Variants in SASH1 observed in about 807,000 individuals in gnomAD.
The protein encoded by SASH1 is SAM and SH3 domain-containing protein 1.
SASH1 carries 44 observed loss-of-function variants against 125.2 expected under a neutral mutation model. The ratio of observed to expected loss-of-function variants is 0.35; its 90% CI spans 0.28 to 0.45. The LOEUF (loss-of-function observed/expected upper bound fraction) is 0.45, where lower values mean the gene tolerates loss of function less well. SASH1 is among the 20% of genes least tolerant of loss of function. The pLI is 1.00. For synonymous variants in SASH1, 639 were observed against 649.1 expected (o/e 0.98, Z 0.24); for missense variants, 1,426 against 1,614.5 (o/e 0.88, Z 2.00).
At chr6:148,406,882 G>A (rs1784399377) in intron 2 of SASH1, among the ~76,000 whole-genome samples, 1 of 151,802 alleles carries the variant, frequency 6.6e-6, no homozygotes, top group Middle Eastern at 3.4e-3. Flanking sequence ...GAGGAGCAGA[G>A]AGAATCAGGC....
At chr6:148,448,204 CTT>C (rs1309382554) in intron 4 of SASH1, among the ~76,000 whole-genome samples, 2 of 151,940 alleles carry the variant, frequency 1.3e-5, no homozygotes, top group Admixed American at 1.3e-4. Flanking sequence ...AGCCCTAGAT[CTT>C]TTGCTTCTCT....
chr6:148,362,228 CTT>C (rs369570386), intron 1 of SASH1, among the ~76,000 whole-genome samples: 13 of 124,614 alleles, frequency 1.0e-4, no homozygotes, highest in Admixed American at 2.5e-4. Context: ...TGCCTGGCCT[CTT>C]TTTTTTTTTT....
chr6:148,252,335 G>A, the SASH1 span, among the ~76,000 whole-genome samples: 127 of 152,090 alleles, frequency 8.4e-4, no homozygotes, highest in African/African-American at 1.1e-3. Context: ...TTCTGATTAC[G>A]GTGAATTTTC....
chr6:148,463,753 G>A (rs62432308), intron 4 of SASH1, among the ~76,000 whole-genome samples: 13,470 of 152,224 alleles, frequency 0.088, 703 homozygotes, highest in Middle Eastern at 0.14. Flanking sequence ...CGCACACTTA[G>A]CATGTCCAAA....
Position 148,529,367 on chromosome 6 carries a change from T to G in SASH1, c.1428+1771T>G, listed in dbSNP as rs1781377946. ...TTGTTAGACCTGCAGGAGATAGATG[T>G]CTGGACTGCCTTCAGCATGTCTTAT... On this transcript the variant is annotated intron_variant, in intron 12 of 19. Coordinates refer to ENST00000367467, the MANE Select transcript of SASH1 (RefSeq NM_015278.5). The surrounding 1 kb of genome is among the most constrained non-coding windows in gnomAD (Gnocchi z 4.2). 6.6e-6 allele frequency among the ~76,000 whole-genome samples: 1 copy of G among 152,238 alleles called. No individual in the cohort carries two copies. Among genetic ancestry groups the G allele is most frequent in the Non-Finnish European group, 1.5e-5 (1 of 68,036 alleles).
rs140467043 is a variant in SASH1 at position 148,291,613 on chromosome 6, G to A, written n.74+19236G>A. Reference sequence around the variant, plus strand: ...GTGGGTGGATCGCTTGAGCCTAGGAGGTCAATGCTGCATTGAGTTGTGATC... The same window carrying A: ...GTGGGTGGATCGCTTGAGCCTAGGAAGTCAATGCTGCATTGAGTTGTGATC... On this transcript the variant is annotated intron_variant and non_coding_transcript_variant, in intron 1 of 3. Transcript: ENST00000367469. 7.1e-4 allele frequency among the ~76,000 whole-genome samples: 108 copies of A among 152,204 alleles called. 1 individual carries two copies. Among genetic ancestry groups the A allele is most frequent in the African/African-American group, 2.5e-3 (103 of 41,526 alleles).
chr6:148,382,720 T>A (rs1168345332), intron 1 of SASH1, among the ~76,000 whole-genome samples: 1 of 152,102 alleles, frequency 6.6e-6, no homozygotes, highest in Non-Finnish European at 1.5e-5. Flanking sequence ...CAGGAGGGGA[T>A]CTGTGGTAAC....
intron 1 of SASH1, among the ~76,000 whole-genome samples, chr6:148,315,531 A>G (rs1230057150): frequency 6.6e-6 from 1 of 152,196 alleles, no homozygotes; most frequent in African/African-American, 2.4e-5. Flanking sequence ...CTAGTTGATC[A>G]GTTTTATATA....
At position 148,548,651 on chromosome 6, in the gene SASH1, A is replaced by T; in HGVS notation, c.*93A>T. On this transcript the variant is annotated 3_prime_UTR_variant, in exon 20 of 20. Coordinates refer to ENST00000367467, the MANE Select transcript of SASH1 (RefSeq NM_015278.5). Reference sequence around the variant, plus strand: ...TCCTCCATCATCTCTGGACGTGCAGACCAGATCCAGAAGAAAGGCCTGGCG... The same window carrying T: ...TCCTCCATCATCTCTGGACGTGCAGTCCAGATCCAGAAGAAAGGCCTGGCG... 1 of 1,416,430 alleles carries T rather than the reference A, an allele frequency of 7.1e-7. No homozygotes were observed. The allele number at this position is 1,416,430 out of a possible 1,614,324, so 87.7% of individuals were successfully genotyped here.
chr6:148,341,651 CAGAA>C (rs1434881191), upstream of SASH1, among the ~76,000 whole-genome samples: 1 of 151,772 alleles, frequency 6.6e-6, no homozygotes, highest in African/African-American at 2.4e-5. Context: ...CAAGTGGACT[CAGAA>C]GGAAAACAAA....
chr6:148,410,882 G>A (rs540453130), intron 2 of SASH1, among the ~76,000 whole-genome samples: 2 of 152,216 alleles, frequency 1.3e-5, no homozygotes, highest in East Asian at 1.9e-4. Flanking sequence ...AAAGGCGGCC[G>A]GGCACAGTGG....
chr6:148,230,696 A>G, the SASH1 span, among the ~76,000 whole-genome samples: 1 of 152,108 alleles, frequency 6.6e-6, no homozygotes, highest in African/African-American at 2.4e-5. Flanking sequence ...TTTTTATTAT[A>G]GCCACTCTAG....
chr6:148,213,812 G>C, the SASH1 span, among the ~76,000 whole-genome samples: 2 of 152,060 alleles, frequency 1.3e-5, no homozygotes, highest in South Asian at 2.1e-4. Context: ...GCAAACCACT[G>C]TCAGGGCCCT....
chr6:148,382,014 A>G (rs1367442901), intron 1 of SASH1, among the ~76,000 whole-genome samples: 2 of 151,744 alleles, frequency 1.3e-5, no homozygotes, highest in East Asian at 3.9e-4. Flanking sequence ...TTATCCAAAG[A>G]CTCTGTGGGG....
chr6:148,476,922 T>C (rs550636846), intron 7 of SASH1, among the ~76,000 whole-genome samples: 1 of 152,230 alleles, frequency 6.6e-6, no homozygotes, highest in Admixed American at 6.5e-5. Flanking sequence ...GCATCTGCAG[T>C]GAACTCACTT....
rs1343981617 is a variant in SASH1, at chr6:148,548,833, A to G, written c.*275A>G. ...AGAAGACAAAAGAACCAAGATGCCA[A>G]CTGGCTGCGAATGCTCTATCTCCAG... On this transcript the variant is annotated 3_prime_UTR_variant, in exon 20 of 20. Coordinates refer to ENST00000367467, the MANE Select transcript of SASH1 (RefSeq NM_015278.5). 4 of 349,592 alleles carry G rather than the reference A, an allele frequency of 1.1e-5. No homozygotes were observed. The highest frequency in any genetic ancestry group is 6.0e-5 in the South Asian group (1 of 16,752). 21.7% of individuals were successfully genotyped at this position (349,592 alleles called of 1,614,324 possible).
At chr6:148,213,756 G>A in the SASH1 span, among the ~76,000 whole-genome samples, 163 of 151,998 alleles carry the variant, frequency 1.1e-3, 1 homozygote, top group East Asian at 0.025. Flanking sequence ...TGGAGACTTC[G>A]GATCTCCTAG....
intron 4 of SASH1, among the ~76,000 whole-genome samples, chr6:148,467,145 G>A (rs1777880747): frequency 8.1e-6 from 1 of 123,318 alleles, no homozygotes; most frequent in Non-Finnish European, 1.6e-5. Flanking sequence ...TGCCCAGTCT[G>A]GAGTGCAATG....
intron 1 of SASH1, among the ~76,000 whole-genome samples, chr6:148,326,363 T>TATATATATGCATATATATATATATGC (rs1780820411): frequency 1.1e-5 from 1 of 95,146 alleles, no homozygotes; most frequent in Non-Finnish European, 2.1e-5. Flanking sequence ...TATATGCATA[T>TATATATATGCATATATATATATATGC]ATATATATAT....
Sources: gnomAD v4.1 joint callset for allele counts (sites outside exome capture counted in the v4.1 genomes callset) on GRCh38, gnomAD v4.1.1 for gene constraint, Gnocchi (gnomAD v3.1) non-coding constraint, MANE v1.5 for transcripts, NCBI Gene and HGNC (gene_info 2026-07-23, HGNC 2026-07-21) for gene names.